Variants in SPI1 observed in about 807,000 individuals in gnomAD.
SPI1 encodes the protein transcription factor PU.1.
Under a neutral mutation model 30.7 loss-of-function variants are expected in SPI1, and 3 were observed. That is an observed-to-expected ratio of 0.10 (90% CI 0.04 to 0.25). The LOEUF is 0.25. Ranked by LOEUF, SPI1 falls within the 10% of genes least tolerant of loss-of-function variation. The pLI, the probability that SPI1 is intolerant of heterozygous loss-of-function variation, is 1.00. For synonymous variants in SPI1, 169 were observed against 157.1 expected, an observed-to-expected ratio of 1.08 and a Z score of -0.56; for missense variants, 261 against 371.5, an observed-to-expected ratio of 0.70 and a Z score of 2.45.
chr11:47,356,341 C>T (rs1179673297), intron 4 of SPI1, among the ~76,000 whole-genome samples: 3 of 77,786 alleles, frequency 3.9e-5, no homozygotes, highest in African/African-American at 5.7e-5. Context: ...TCACAACCCA[C>T]TCACACACAC....
At chr11:47,364,241 G>A (rs1267519562) in intron 2 of SPI1, among the ~76,000 whole-genome samples, 1 of 151,756 alleles carries the variant, frequency 6.6e-6, no homozygotes, top group Non-Finnish European at 1.5e-5. Flanking sequence ...TAGTAGAGAC[G>A]GGTTTTCACT....
At chr11:47,363,628 C>T (rs2095924050) in intron 2 of SPI1, among the ~76,000 whole-genome samples, 1 of 152,104 alleles carries the variant, frequency 6.6e-6, no homozygotes, top group African/African-American at 2.4e-5. Context: ...GCTTGGATTA[C>T]AGGCATGAGC....
intron 2 of SPI1, among the ~76,000 whole-genome samples, chr11:47,367,369 CAT>C (rs2095929809): frequency 6.6e-6 from 1 of 151,970 alleles, no homozygotes; most frequent in African/African-American, 2.4e-5. Context: ...GCCTGGTCAA[CAT>C]GGTGAAACCC....
At position 47,358,990 on chromosome 11, in the gene SPI1, C is replaced by T. The variant is rs769953805; in HGVS notation, c.347G>A (p.Arg116Gln). Residue 116 changes from arginine (R) to glutamine (Q), a missense_variant, in exon 4 of 5, where the codon CGG (arginine) becomes CAG (glutamine). Arg to Gln is a conservative substitution (Grantham distance 43). Coordinates refer to ENST00000378538, the MANE Select transcript of SPI1 (RefSeq NM_003120.3). ...SLGHQVSYLPRMCLQYPSLSP... is the reference protein window; with the variant it reads ...SLGHQVSYLPQMCLQYPSLSP... Reference sequence around the variant, plus strand: ...CAGGGATGGGTACTGGAGGCACATCCGGGGCAGGTAGGAGACCTGGACGGT... The same window carrying T: ...CAGGGATGGGTACTGGAGGCACATCTGGGGCAGGTAGGAGACCTGGACGGT... The T allele has an allele frequency of 6.5e-7, 1 of 1,531,142 alleles. No individual in the cohort carries two copies. Among genetic ancestry groups the T allele is most frequent in the Non-Finnish European group, 8.8e-7 (1 of 1,139,566 alleles). The allele number at this position is 1,531,142 out of a possible 1,614,324, so 94.8% of individuals were successfully genotyped here.
intron 2 of SPI1, among the ~76,000 whole-genome samples, chr11:47,361,421 G>T (rs1487762818): frequency 1.3e-5 from 2 of 152,202 alleles, no homozygotes; most frequent in Non-Finnish European, 2.9e-5. Flanking sequence ...TGAGTCTGTG[G>T]TGGAGGAGAC....
rs1485776430 is a variant in SPI1 at position 47,359,878 on chromosome 11, G to A, written c.305C>T (p.Pro102Leu). 1 of 1,607,642 alleles carries A rather than the reference G, an allele frequency of 6.2e-7. No homozygotes were observed. The highest frequency in any genetic ancestry group is 2.2e-5 in the East Asian group (1 of 44,876). Residue 102 changes from proline to leucine, a missense_variant, in exon 3 of 5, where the codon CCA (proline) becomes CTA (leucine). Physicochemically the swap from Pro to Leu is moderately conservative, Grantham distance 98 (BLOSUM62 -3). This residue lies in a region of SPI1 where 106 missense variants were observed against 102.0 expected (regional missense o/e 1.04). Transcript: ENST00000378538. The surrounding 1 kb of genome is among the most constrained non-coding windows in gnomAD (Gnocchi z 5.1). ...CTGGTGGCCAAGACTGGGATGGGGTGGCACCATGGGGGTATCGAGGACGTG... is the reference window on the plus strand; with the variant it reads ...CTGGTGGCCAAGACTGGGATGGGGTAGCACCATGGGGGTATCGAGGACGTG... ...QMHVLDTPMVPPHPSLGHQVS... is the reference protein window; with the variant it reads ...QMHVLDTPMVLPHPSLGHQVS...
At position 47,378,480 on chromosome 11, in the gene SPI1, T is replaced by A; in HGVS notation, c.-127A>T. On this transcript the variant is annotated 5_prime_UTR_variant, in exon 1 of 5. Coordinates refer to ENST00000378538, the MANE Select transcript of SPI1 (RefSeq NM_003120.3). ...GGGTGCAGGGCTCAGGCCTGCCCCC[T>A]GAGCTACAGGAGCCCTGGGTGAGCC... is the stretch of plus-strand genomic sequence containing the variant. 1 of 988,302 alleles carries A rather than the reference T, an allele frequency of 1.0e-6. No individual in the cohort carries two copies. The highest frequency in any genetic ancestry group is 1.5e-6 in the Non-Finnish European group (1 of 655,810). The allele number at this position is 988,302 out of a possible 1,614,324, so 61.2% of individuals were successfully genotyped here.
At chr11:47,355,618 G>T in intron 4 of SPI1, 72 bp from the exon 5 acceptor site, 2 of 1,337,298 alleles carry the variant, frequency 1.5e-6, no homozygotes, top group Non-Finnish European at 2.0e-6. Flanking sequence ...CCTTGCGTAC[G>T]CACAGGGGCC....
chr11:47,358,760 G>A, intron 4 of SPI1, 84 bp downstream of exon 4: 4 of 1,376,422 alleles, frequency 2.9e-6, no homozygotes, highest in Non-Finnish European at 4.0e-6. Flanking sequence ...TGGCGTGGCT[G>A]CTGGGTCAGT....
At chr11:47,370,433 G>A (rs1229573773) in intron 2 of SPI1, among the ~76,000 whole-genome samples, 1 of 151,954 alleles carries the variant, frequency 6.6e-6, no homozygotes, top group East Asian at 1.9e-4. Flanking sequence ...GCCAGGCATG[G>A]TGGCTCACGC....
Position 47,378,466 on chromosome 11 carries a change from T to TCAGGGGG in SPI1, c.-114_-113insCCCCCTG. On this transcript the variant is annotated 5_prime_UTR_variant, in exon 1 of 5. Transcript: ENST00000378538. ...GACGGTCGTGGGGCGGGTGCAGGGC[T>TCAGGGGG]CAGGCCTGCCCCCTGAGCTACAGGA... 8.5e-7 allele frequency: 1 copy of TCAGGGGG among 1,179,758 alleles called. No homozygotes were observed. The highest frequency in any genetic ancestry group is 1.2e-6 in the Non-Finnish European group (1 of 817,726). The allele number at this position is 1,179,758 out of a possible 1,614,324, so 73.1% of individuals were successfully genotyped here. A position where few individuals can be genotyped will look rare whatever the true frequency, so the allele number is the denominator to read the frequency against.
chr11:47,356,717 A>G (rs1027026869), intron 4 of SPI1, among the ~76,000 whole-genome samples: 9 of 151,752 alleles, frequency 5.9e-5, no homozygotes, highest in Admixed American at 2.6e-4. Flanking sequence ...CCCTGCTCAC[A>G]CACACATGCT....
intron 2 of SPI1, among the ~76,000 whole-genome samples, chr11:47,365,842 G>A (rs373957888): frequency 3.3e-5 from 5 of 152,066 alleles, no homozygotes; most frequent in East Asian, 1.9e-4. Flanking sequence ...GACTACAGGC[G>A]CCTGCCACTC....
In SPI1 at chr11:47,359,610, C is replaced by T. The variant is rs1307346170; in HGVS notation, c.330+243G>A. Reference sequence around the variant, plus strand: ...ACAACAAGGCGTTGGGATGGGGAGGCTTGGTGAGGGTGCGAGAATTATCTG... The same window carrying T: ...ACAACAAGGCGTTGGGATGGGGAGGTTTGGTGAGGGTGCGAGAATTATCTG... On this transcript the variant is annotated intron_variant, in intron 3 of 4. Transcript: ENST00000378538. The surrounding 1 kb of genome is among the most constrained non-coding windows in gnomAD (Gnocchi z 5.1). Among the ~76,000 whole-genome samples the T allele has an allele frequency of 3.3e-5, 5 of 151,594 alleles. No homozygotes were observed. The highest frequency in any genetic ancestry group is 1.2e-4 in the African/African-American group (5 of 41,166).
At chr11:47,377,942 G>A (rs2095944461) in intron 1 of SPI1, among the ~76,000 whole-genome samples, 1 of 152,104 alleles carries the variant, frequency 6.6e-6, no homozygotes, top group Admixed American at 6.6e-5. Flanking sequence ...CAGGGGACCG[G>A]CCTCCCCCAA....
chr11:47,355,037 G>C lies in SPI1; in HGVS notation c.*190C>G. 2.6e-6 allele frequency: 1 copy of C among 385,306 alleles called. No homozygotes were observed. The highest frequency in any genetic ancestry group is 4.3e-6 in the Non-Finnish European group (1 of 230,186). 23.9% of individuals were successfully genotyped at this position (385,306 alleles called of 1,614,324 possible). A position where few individuals can be genotyped will look rare whatever the true frequency, so the allele number is the denominator to read the frequency against. On this transcript the variant is annotated 3_prime_UTR_variant, in exon 5 of 5. Transcript: ENST00000378538. ...GCTGGCGTCCGGGAGCCGGGGTGGA[G>C]TCCTGGAGGGAGGCGAAGCGGGATG...
chr11:47,355,192 G>A lies in SPI1; in HGVS notation c.*35C>T. The A allele has an allele frequency of 2.3e-6, 3 of 1,309,748 alleles. No homozygotes were observed. Among genetic ancestry groups the A allele is most frequent in the Non-Finnish European group, 2.9e-6 (3 of 1,032,724 alleles). 81.1% of individuals were successfully genotyped at this position (1,309,748 alleles called of 1,614,324 possible). A position where few individuals can be genotyped will look rare whatever the true frequency, so the allele number is the denominator to read the frequency against. On this transcript the variant is annotated 3_prime_UTR_variant, in exon 5 of 5. Coordinates refer to ENST00000378538, the MANE Select transcript of SPI1 (RefSeq NM_003120.3). Reference sequence around the variant, plus strand: ...CGAGGGCTTAATGCTATGGCCAGCGGGGAGGCCTGGCGGGGCCCGGCGGGG... The same window carrying A: ...CGAGGGCTTAATGCTATGGCCAGCGAGGAGGCCTGGCGGGGCCCGGCGGGG...
intron 1 of SPI1, among the ~76,000 whole-genome samples, chr11:47,377,061 A>G (rs1262020091): frequency 6.6e-6 from 1 of 152,142 alleles, no homozygotes; most frequent in Non-Finnish European, 1.5e-5. Flanking sequence ...TCGTGTTCCC[A>G]GGTGGGAAGG....
At chr11:47,356,227 T>A (rs941617658) in intron 4 of SPI1, among the ~76,000 whole-genome samples, 1 of 146,252 alleles carries the variant, frequency 6.8e-6, no homozygotes, top group Non-Finnish European at 1.5e-5. Flanking sequence ...GCTCACACAC[T>A]CATTCACTAA....
Sources: gnomAD v4.1 joint callset for allele counts (sites outside exome capture counted in the v4.1 genomes callset) on GRCh38, gnomAD v4.1.1 for gene constraint, gnomAD v4.1.1 regional missense constraint, Gnocchi (gnomAD v3.1) non-coding constraint, MANE v1.5 for transcripts, NCBI Gene and HGNC (gene_info 2026-07-23, HGNC 2026-07-21) for gene names.